Variants in ZNF117 observed in about 807,000 individuals in gnomAD.
ZNF117 encodes Krueppel-related zinc finger protein.
A neutral mutation model predicts 41.2 loss-of-function variants in ZNF117; 37 were observed. The ratio of observed to expected loss-of-function variants is 0.90; its 90% confidence interval spans 0.69 to 1.18. The LOEUF (loss-of-function observed/expected upper bound fraction) is 1.18. ZNF117 is among the 50% of genes most tolerant of loss of function. The pLI, the probability that ZNF117 is intolerant of heterozygous loss-of-function variation, is 0.00. For missense variants in ZNF117, 546 were observed against 557.5 expected, an observed-to-expected ratio of 0.98 and a Z score of 0.21; for synonymous variants, 186 against 186.6, an observed-to-expected ratio of 1.00 and a Z score of 0.02.
chr7:64,971,816 G>A (rs995359536), downstream of ZNF117: 3 of 151,752 alleles, frequency 2.0e-5, no homozygotes, highest in African/African-American at 7.3e-5. Flanking sequence ...AAAATCCAAG[G>A]AAATCAAAAG....
exon 1 of ZNF117, chr7:64,981,988 A>C (rs1386212221): frequency 1.6e-6 from 1 of 640,836 alleles, no homozygotes; most frequent in Non-Finnish European, 2.8e-6. Flanking sequence ...AGTTACCTTC[A>C]CCCAAGAAAA....
At chr7:64,987,451 C>T (rs995003674) in intron 1 of ZNF117, among the ~76,000 whole-genome samples, 3 of 152,048 alleles carry the variant, frequency 2.0e-5, no homozygotes, top group African/African-American at 7.2e-5. Flanking sequence ...CTGATCTGTA[C>T]TGAAGGAGAT....
In ZNF117 at chr7:64,978,015, T is replaced by C. The variant is rs1374992954; in HGVS notation, c.*104A>G. The stretch of plus-strand genomic sequence containing the variant: ...CTTCTCTCCAGTATGAATCATCTTA[T>C]GTTTAGTAAGGGTTGAGAAATGGTT... On this transcript the variant is annotated 3_prime_UTR_variant, in exon 3 of 3. Coordinates refer to ENST00000620222, the Ensembl canonical transcript of ZNF117. 5 of 1,335,670 alleles carry C rather than the reference T, an allele frequency of 3.7e-6. No individual in the cohort carries two copies. In the African/African-American group the frequency reaches 7.3e-5, roughly 20 times the overall value. 82.7% of individuals were successfully genotyped at this position (1,335,670 alleles called of 1,614,324 possible).
At chr7:64,978,366 G>A in exon 3 of ZNF117, 3 of 1,613,620 alleles carry the variant, frequency 1.9e-6, no homozygotes, top group East Asian at 2.2e-5. Context: ...ACTAAGTTTT[G>A]AGGATAGGTG....
chr7:64,983,092 GTATC>G (rs1786065258), upstream of ZNF117, among the ~76,000 whole-genome samples: 1 of 152,134 alleles, frequency 6.6e-6, no homozygotes, highest in Non-Finnish European at 1.5e-5. Flanking sequence ...TAAAGAGCAG[GTATC>G]TATCTCCTAA....
At position 64,990,960 on chromosome 7, in the gene ZNF117, A is replaced by G. The variant is rs1356162910; in HGVS notation, c.-1209T>C. On this transcript the variant is annotated 5_prime_UTR_variant, in exon 1 of 4. It removes an upstream start codon present in the reference 5' UTR. Transcript: ENST00000282869. ...TTATAAGTAAAGTTTAAGAGAAAGC[A>G]TCACTATCTTCATTTACTTCAAGAG... 1 of 347,106 alleles carries G rather than the reference A, an allele frequency of 2.9e-6. No homozygotes were observed. Among genetic ancestry groups the G allele is most frequent in the Non-Finnish European group, 5.2e-6 (1 of 192,620 alleles). 21.5% of individuals were successfully genotyped at this position (347,106 alleles called of 1,614,324 possible).
At chr7:64,978,873 G>A in exon 3 of ZNF117, 1 of 1,613,358 alleles carries the variant, frequency 6.2e-7, no homozygotes, top group Non-Finnish European at 8.5e-7. Context: ...AAGCTTTGAG[G>A]CTTGGTTAAA....
At chr7:64,988,154 A>C (rs1786175539) in intron 1 of ZNF117, among the ~76,000 whole-genome samples, 1 of 152,196 alleles carries the variant, frequency 6.6e-6, no homozygotes, top group African/African-American at 2.4e-5. Flanking sequence ...TATAACAAAA[A>C]AAGAAAACTT....
At chr7:64,984,407 C>T (rs531336289), upstream of ZNF117, among the ~76,000 whole-genome samples, 17 of 152,238 alleles carry the variant, frequency 1.1e-4, no homozygotes, top group South Asian at 1.7e-3. Context: ...CATAACTTTC[C>T]GATGAAGAAT....
chr7:64,986,347 T>G (rs1232247413), upstream of ZNF117, among the ~76,000 whole-genome samples: 1 of 152,112 alleles, frequency 6.6e-6, no homozygotes, highest in Non-Finnish European at 1.5e-5. Context: ...AAAACTGTTA[T>G]GTAAGAGGGA....
intron 1 of ZNF117, among the ~76,000 whole-genome samples, chr7:64,989,015 C>T (rs1786195199): frequency 6.6e-6 from 1 of 152,052 alleles, no homozygotes; most frequent in African/African-American, 2.4e-5. Flanking sequence ...AATGGCCATA[C>T]TGCCAAAAGA....
At chr7:64,984,219 C>T (rs762354458), upstream of ZNF117, among the ~76,000 whole-genome samples, 1 of 152,130 alleles carries the variant, frequency 6.6e-6, no homozygotes, top group African/African-American at 2.4e-5. Context: ...GCAGCCTCCA[C>T]CTCCAGGGTT....
chr7:64,983,752 A>G (rs1405685264), upstream of ZNF117, among the ~76,000 whole-genome samples: 1 of 152,224 alleles, frequency 6.6e-6, no homozygotes, highest in Non-Finnish European at 1.5e-5. Flanking sequence ...TAGCTCTAAG[A>G]GCTCTGTGAC....
intron 1 of ZNF117, among the ~76,000 whole-genome samples, chr7:64,987,702 G>C (rs2129120824): frequency 6.6e-6 from 1 of 152,070 alleles, no homozygotes; most frequent in Non-Finnish European, 1.5e-5. Context: ...AGTAAATTCA[G>C]CTGGGTGCGG....
upstream of ZNF117, among the ~76,000 whole-genome samples, chr7:64,984,374 C>T (rs73365351): frequency 0.014 from 2,103 of 152,252 alleles, 40 homozygotes; most frequent in African/African-American, 0.047. Context: ...TCAAGTGACC[C>T]GCCTGCCTGG....
chr7:64,978,738 T>G, exon 3 of ZNF117: 1 of 1,613,132 alleles, frequency 6.2e-7, no homozygotes, highest in Non-Finnish European at 8.5e-7. Context: ...TTCTTCACAT[T>G]TGTACAGCTT....
downstream of ZNF117, chr7:64,973,575 T>C (rs1785816711): frequency 6.6e-6 from 1 of 151,984 alleles, no homozygotes; most frequent in African/African-American, 2.4e-5. Flanking sequence ...GTTATATTGA[T>C]AAGTACTCTC....
intron 1 of ZNF117, 76 bp downstream of exon 1, chr7:64,989,871 A>G (rs889869754): frequency 8.5e-5 from 13 of 152,242 alleles, no homozygotes; most frequent in African/African-American, 2.6e-4. Flanking sequence ...CAAGAGATCC[A>G]GACCATCCTG....
At chr7:64,985,363 G>A (rs1340694067), upstream of ZNF117, among the ~76,000 whole-genome samples, 1 of 152,118 alleles carries the variant, frequency 6.6e-6, no homozygotes, top group Non-Finnish European at 1.5e-5. Flanking sequence ...TTCTATCAAA[G>A]GAACTTAGTA....
Sources: gnomAD v4.1 joint callset for allele counts (sites outside exome capture counted in the v4.1 genomes callset) on GRCh38, gnomAD v4.1.1 for gene constraint, MANE v1.5 for transcripts, NCBI Gene and HGNC (gene_info 2026-07-23, HGNC 2026-07-21) for gene names.